Variants in GRIA4 observed in about 807,000 individuals in gnomAD.
GRIA4 encodes glutamate receptor 4.
In GRIA4, 34 loss-of-function variants were observed where a neutral mutation model predicts 104.0. That is an observed-to-expected ratio of 0.33 (90% confidence interval 0.25 to 0.44). The LOEUF (loss-of-function observed/expected upper bound fraction) is 0.44, where lower values mean the gene tolerates loss of function less well. GRIA4 is among the 20% of genes least tolerant of loss of function. The pLI is 1.00. For missense variants in GRIA4, 750 were observed against 1,096.5 expected (o/e 0.68, Z 4.46); for synonymous variants, 386 against 381.9 (o/e 1.01, Z -0.13).
chr11:105,957,710 C>T (rs1948627851), intron 14 of GRIA4, among the ~76,000 whole-genome samples: 1 of 152,140 alleles, frequency 6.6e-6, no homozygotes, highest in African/African-American at 2.4e-5. Context: ...GCAGTATGGC[C>T]ATTTTCATGA....
chr11:105,654,726 T>C (rs945198590), intron 3 of GRIA4, among the ~76,000 whole-genome samples: 1 of 152,160 alleles, frequency 6.6e-6, no homozygotes, highest in African/African-American at 2.4e-5. Context: ...AGAAGTAGTC[T>C]GCATACATTT....
At chr11:105,680,382 A>G (rs1952671373) in intron 3 of GRIA4, among the ~76,000 whole-genome samples, 1 of 151,950 alleles carries the variant, frequency 6.6e-6, no homozygotes, top group African/African-American at 2.4e-5. Flanking sequence ...CTCTTGAAGA[A>G]CCTTGCCCAG....
At chr11:105,970,573 G>C (rs1858633393) in intron 14 of GRIA4, among the ~76,000 whole-genome samples, 1 of 152,108 alleles carries the variant, frequency 6.6e-6, no homozygotes, top group African/African-American at 2.4e-5. Context: ...CTGGTACATA[G>C]TAAATGCTCA....
In GRIA4 at chr11:105,981,817, T is replaced by A. The variant is rs1014125851; in HGVS notation, c.*2078T>A. On this transcript the variant is annotated 3_prime_UTR_variant, in exon 17 of 17. Coordinates refer to ENST00000282499, the MANE Select transcript of GRIA4 (RefSeq NM_000829.4). ...GTAACTTGTACTCATCCTTCAATAC[T>A]CCAACTGAATTTTACTTACCCTGAA... is the stretch of plus-strand genomic sequence containing the variant. 2 of 152,634 alleles carry A rather than the reference T, an allele frequency of 1.3e-5. No individual in the cohort carries two copies. Among genetic ancestry groups the A allele is most frequent in the Non-Finnish European group, 2.9e-5 (2 of 68,116 alleles). 9.5% of individuals were successfully genotyped at this position (152,634 alleles called of 1,614,324 possible).
chr11:105,780,582 C>A (rs1341932899), intron 4 of GRIA4, among the ~76,000 whole-genome samples: 1 of 151,814 alleles, frequency 6.6e-6, no homozygotes, highest in Non-Finnish European at 1.5e-5. Flanking sequence ...ACTAAATATT[C>A]CAAGATGAAT....
chr11:105,974,457 G>A lies in GRIA4; in HGVS notation c.2544+13G>A. The A allele has an allele frequency of 6.2e-7, 1 of 1,613,916 alleles. No homozygotes were observed. Among genetic ancestry groups the A allele is most frequent in the East Asian group, 2.2e-5 (1 of 44,874 alleles). On this transcript the variant is annotated intron_variant, in intron 16 of 16. Transcript: ENST00000282499. The stretch of plus-strand genomic sequence containing the variant: ...GAAGAGAATGAAGGTGGCAAAGAGT[G>A]CACAGACTTTTAACCCAACTTCCTC...
At chr11:105,879,326 T>C (rs1407091994) in intron 5 of GRIA4, among the ~76,000 whole-genome samples, 1 of 152,214 alleles carries the variant, frequency 6.6e-6, no homozygotes, top group Non-Finnish European at 1.5e-5. Flanking sequence ...ACCGGAGCTG[T>C]TCCTATTCGG....
chr11:105,796,310 T>C (rs187272178), intron 4 of GRIA4, among the ~76,000 whole-genome samples: 1 of 152,302 alleles, frequency 6.6e-6, no homozygotes, highest in Admixed American at 6.5e-5. Context: ...AAATCTTCAA[T>C]CTGTCATTTT....
In GRIA4 at chr11:105,814,472, T is replaced by C. The variant is rs142800780; in HGVS notation, c.488-47552T>C. 9.1e-4 allele frequency among the ~76,000 whole-genome samples: 139 copies of C among 152,314 alleles called. No homozygotes were observed. The Middle Eastern group carries it at 0.01, about 11-fold the overall frequency. ...AACTACTACTAAGTAGGATAAGTTATTCTGCAGCAAATGTTGTTTGTGTGT... is the reference window on the plus strand; with the variant it reads ...AACTACTACTAAGTAGGATAAGTTACTCTGCAGCAAATGTTGTTTGTGTGT... On this transcript the variant is annotated intron_variant, in intron 4 of 16. Transcript: ENST00000282499.
At chr11:105,682,278 A>T (rs1397216242) in intron 3 of GRIA4, among the ~76,000 whole-genome samples, 1 of 152,102 alleles carries the variant, frequency 6.6e-6, no homozygotes, top group Non-Finnish European at 1.5e-5. Flanking sequence ...TACAGTAGAT[A>T]GGCACAGTTA....
At chr11:105,942,360 G>T (rs1001111234) in intron 14 of GRIA4, among the ~76,000 whole-genome samples, 1 of 152,012 alleles carries the variant, frequency 6.6e-6, no homozygotes, top group African/African-American at 2.4e-5. Flanking sequence ...ACTTTTAAAA[G>T]ATTATGCTTA....
At chr11:105,725,522 T>C (rs1938139910) in intron 3 of GRIA4, among the ~76,000 whole-genome samples, 1 of 152,052 alleles carries the variant, frequency 6.6e-6, no homozygotes, top group Admixed American at 6.5e-5. Context: ...TCATCATGTG[T>C]CGAAACCACA....
chr11:105,648,266 G>C, intron 3 of GRIA4, among the ~76,000 whole-genome samples: 1 of 151,284 alleles, frequency 6.6e-6, no homozygotes. Flanking sequence ...AGGAAGTAGG[G>C]AAATGGCTGA....
intron 3 of GRIA4, among the ~76,000 whole-genome samples, chr11:105,636,059 A>C (rs1176963724): frequency 2.6e-5 from 4 of 152,166 alleles, no homozygotes; most frequent in African/African-American, 9.7e-5. Flanking sequence ...ACTTGCTTTT[A>C]GTTATCTAGT....
At chr11:105,964,356 A>G (rs1253477702) in intron 14 of GRIA4, among the ~76,000 whole-genome samples, 1 of 152,170 alleles carries the variant, frequency 6.6e-6, no homozygotes, top group East Asian at 1.9e-4. Flanking sequence ...AGAACTGTTT[A>G]CTCTCCAAGT....
rs148590657 is a variant in GRIA4 at position 105,852,964 on chromosome 11, T to G, written c.488-9060T>G. Among the ~76,000 whole-genome samples, 13 of 148,892 alleles carry G rather than the reference T, an allele frequency of 8.7e-5. 4 individuals carry two copies. The highest frequency in any genetic ancestry group is 4.2e-4 in the South Asian group (2 of 4,740). ...AAAGCCAGATCCAAATTAATATTAT[T>G]TACAGTACACAGCTTGGCATGTGAA... On this transcript the variant is annotated intron_variant, in intron 4 of 16. Coordinates refer to ENST00000282499, the MANE Select transcript of GRIA4 (RefSeq NM_000829.4).
chr11:105,714,447 T>A (rs1954022173), intron 3 of GRIA4, among the ~76,000 whole-genome samples: 1 of 152,088 alleles, frequency 6.6e-6, no homozygotes, highest in Non-Finnish European at 1.5e-5. Context: ...TAAGTCTCCA[T>A]CATAAAATGA....
At chr11:105,692,625 A>G (rs2135498524) in intron 3 of GRIA4, among the ~76,000 whole-genome samples, 1 of 152,290 alleles carries the variant, frequency 6.6e-6, no homozygotes, top group South Asian at 2.1e-4. Flanking sequence ...CTTTTATATA[A>G]CTTTTTGGTA....
At chr11:105,671,902 A>T (rs1952386317) in intron 3 of GRIA4, among the ~76,000 whole-genome samples, 1 of 151,966 alleles carries the variant, frequency 6.6e-6, no homozygotes, top group South Asian at 2.1e-4. Context: ...AGCTTTTGAT[A>T]GGGCTTATAA....
Sources: allele counts gnomAD v4.1 joint callset (sites outside exome capture counted in the v4.1 genomes callset), GRCh38; gene constraint gnomAD v4.1.1; transcripts MANE v1.5; gene names NCBI Gene and HGNC (gene_info 2026-07-23, HGNC 2026-07-21).